SEC23A: variants seen among roughly 807,000 people sequenced by gnomAD.
SEC23A encodes protein transport protein Sec23A.
Under a neutral mutation model 103.7 loss-of-function variants are expected in SEC23A, and 56 were observed. That is an observed-to-expected ratio of 0.54 (90% confidence interval 0.44 to 0.67). The LOEUF is 0.67. SEC23A is among the 30% of genes least tolerant of loss of function. The probability of loss-of-function intolerance (pLI) is 0.00; values close to 1 mark genes in which losing one functional copy is unlikely to be tolerated. For synonymous variants in SEC23A, 281 were observed against 293.0 expected, an observed-to-expected ratio of 0.96 and a Z score of 0.42; for missense variants, 784 against 936.4, an observed-to-expected ratio of 0.84 and a Z score of 2.12.
chr14:39,094,714 G>A (rs898187335), intron 2 of SEC23A, among the ~76,000 whole-genome samples: 1 of 152,024 alleles, frequency 6.6e-6, no homozygotes, highest in African/African-American at 2.4e-5. Flanking sequence ...CGAAAATATG[G>A]AGACAGAAGA....
intron 17 of SEC23A, among the ~76,000 whole-genome samples, chr14:39,041,787 G>A (rs1199446984): frequency 3.3e-5 from 5 of 150,004 alleles, no homozygotes; most frequent in African/African-American, 1.2e-4. Context: ...GAGAATCGCT[G>A]GAACCCGGGA....
intron 19 of SEC23A, among the ~76,000 whole-genome samples, chr14:39,035,971 C>A (rs1250675121): frequency 6.6e-6 from 1 of 151,892 alleles, no homozygotes; most frequent in Non-Finnish European, 1.5e-5. Flanking sequence ...AAAGGTGGGG[C>A]CTTTAAGAGG....
chr14:39,055,866 A>C (rs1304500391), intron 13 of SEC23A, among the ~76,000 whole-genome samples: 2 of 152,218 alleles, frequency 1.3e-5, no homozygotes, highest in African/African-American at 4.8e-5. Context: ...GTTTTCTATA[A>C]CTAGCAACTT....
At chr14:39,067,720 G>C (rs569798227) in intron 9 of SEC23A, among the ~76,000 whole-genome samples, 3 of 145,352 alleles carry the variant, frequency 2.1e-5, no homozygotes, top group South Asian at 2.2e-4. Context: ...GCCTAGGCTG[G>C]AGTGCAGTGG....
chr14:39,048,609 A>G (rs1885930953), intron 15 of SEC23A, 43 bp downstream of exon 15: 1 of 1,289,846 alleles, frequency 7.8e-7, no homozygotes, highest in Non-Finnish European at 1.1e-6. Context: ...CTAAAAAAGG[A>G]AAAAAAAGAA....
At chr14:39,062,720 G>A (rs1886519283) in intron 12 of SEC23A, among the ~76,000 whole-genome samples, 1 of 151,690 alleles carries the variant, frequency 6.6e-6, no homozygotes, top group African/African-American at 2.4e-5. Context: ...AAATTTTAAT[G>A]TTTAAAAAAA....
intron 14 of SEC23A, among the ~76,000 whole-genome samples, chr14:39,049,761 C>A (rs1263013822): frequency 1.3e-5 from 2 of 150,928 alleles, no homozygotes; most frequent in Non-Finnish European, 2.9e-5. Context: ...GCCTGGGAGA[C>A]AGAGCGAGAT....
chr14:39,087,102 G>T, intron 5 of SEC23A, 94 bp from the exon 6 acceptor site: 1 of 783,920 alleles, frequency 1.3e-6, no homozygotes, highest in South Asian at 1.5e-5. Flanking sequence ...CTAGACATTA[G>T]AAACACAAAA....
intron 15 of SEC23A, among the ~76,000 whole-genome samples, chr14:39,045,761 C>G (rs1273180756): frequency 6.6e-6 from 1 of 152,196 alleles, no homozygotes; most frequent in Non-Finnish European, 1.5e-5. Flanking sequence ...AAAACTATGA[C>G]CATTCTTTGT....
intron 10 of SEC23A, among the ~76,000 whole-genome samples, chr14:39,065,417 A>C (rs72671374): frequency 0.082 from 12,502 of 152,110 alleles, 543 homozygotes; most frequent in African/African-American, 0.12. Flanking sequence ...AAAAAAAAAA[A>C]AATTGGAAAG....
At position 39,040,341 on chromosome 14, in the gene SEC23A, T is replaced by C. The variant is rs17108763; in HGVS notation, c.2142+391A>G. On this transcript the variant is annotated intron_variant, in intron 18 of 19. Transcript: ENST00000307712. ...AATTGGAATGATAGAATGAAGACAATGAAAAAATGTAAGTTACCACAAATG... is the reference window on the plus strand; with the variant it reads ...AATTGGAATGATAGAATGAAGACAACGAAAAAATGTAAGTTACCACAAATG... 6.3e-3 allele frequency: 1,141 copies of C among 180,612 alleles called. 16 individuals carry two copies. Among genetic ancestry groups the C allele is most frequent in the African/African-American group, 0.026 (1,081 of 42,048 alleles). The allele number at this position is 180,612 out of a possible 1,614,324, so 11.2% of individuals were successfully genotyped here.
intron 13 of SEC23A, 59 bp from the exon 14 acceptor site, chr14:39,055,355 G>A: frequency 1.3e-6 from 2 of 1,529,564 alleles, no homozygotes; most frequent in Non-Finnish European, 1.8e-6. Flanking sequence ...CAATATCATA[G>A]TTGGCTACCA....
At chr14:39,096,530 C>CA (rs145342826) in intron 1 of SEC23A, among the ~76,000 whole-genome samples, 247 of 132,426 alleles carry the variant, frequency 1.9e-3, no homozygotes, top group African/African-American at 4.3e-3. Flanking sequence ...AACTCCATCT[C>CA]AAAAAAAAAA....
intron 12 of SEC23A, among the ~76,000 whole-genome samples, 160 bp from the exon 13 acceptor site, chr14:39,062,031 G>C (rs530635888): frequency 6.6e-6 from 1 of 152,266 alleles, no homozygotes; most frequent in Admixed American, 6.5e-5. Flanking sequence ...TTGTTACACA[G>C]AAGAGGAGAA....
At chr14:39,083,502 T>A (rs1056955757) in intron 7 of SEC23A, among the ~76,000 whole-genome samples, 5 of 151,858 alleles carry the variant, frequency 3.3e-5, no homozygotes, top group Non-Finnish European at 5.9e-5. Context: ...CTGACCACCT[T>A]GGACGCATGT....
In SEC23A at chr14:39,074,424, T is replaced by C. The variant is rs1886941331; in HGVS notation, c.1094A>G (p.Asn365Ser). The C allele has an allele frequency of 4.4e-6, 7 of 1,601,528 alleles. No individual in the cohort carries two copies. Among genetic ancestry groups the C allele is most frequent in the South Asian group, 1.1e-5 (1 of 90,804 alleles). ...AAATTTAAATACATACCCAGTAAGG[T>C]TGGGACAGCATTTCATCTCCAGGAG... Reference protein sequence around the residue: ...TGLLEMKCCPNLTGGYMVMGD... With the variant: ...TGLLEMKCCPSLTGGYMVMGD... Residue 365 changes from asparagine (N) to serine (S), a missense_variant, in exon 9 of 20, where the codon AAC becomes AGC. Physicochemically the swap from Asn to Ser is conservative, Grantham distance 46 (BLOSUM62 1). Around this residue, in one of 2 missense-constraint regions of SEC23A, gnomAD observed 683 missense variants for 774.2 expected, o/e 0.88. Coordinates refer to ENST00000307712, the MANE Select transcript of SEC23A (RefSeq NM_006364.4).
intron 3 of SEC23A, chr14:39,092,845 T>TC: frequency 1.9e-6 from 1 of 537,782 alleles, no homozygotes; most frequent in Admixed American, 3.4e-5. Context: ...GGGTTTTTTT[T>TC]CATTTGTTTG....
chr14:39,045,117 C>T, intron 16 of SEC23A, 46 bp downstream of exon 16: 2 of 1,545,868 alleles, frequency 1.3e-6, no homozygotes, highest in Non-Finnish European at 1.8e-6. Context: ...TTTAATGCCA[C>T]ACATTGCAGT....
chr14:39,099,423 G>C (rs1412574577), intron 1 of SEC23A, among the ~76,000 whole-genome samples: 2 of 152,014 alleles, frequency 1.3e-5, no homozygotes, highest in African/African-American at 4.8e-5. Flanking sequence ...CTCCCAAAGT[G>C]CTGGGATTAC....
Sources: allele counts gnomAD v4.1 joint callset (sites outside exome capture counted in the v4.1 genomes callset), GRCh38; gene constraint gnomAD v4.1.1; regional missense constraint gnomAD v4.1.1; transcripts MANE v1.5; gene names NCBI Gene and HGNC (gene_info 2026-07-23, HGNC 2026-07-21).